Variants in ZNF177 observed in about 807,000 individuals in gnomAD.
The protein encoded by ZNF177 is zinc finger protein 177.
ZNF177 carries 17 observed loss-of-function variants against 19.4 expected under a neutral mutation model. That is an observed-to-expected ratio of 0.87 (90% CI 0.60 to 1.31). ZNF177 has a LOEUF of 1.31. Among genes scored for constraint, ZNF177 ranks in the 40% most tolerant of loss-of-function variants. The pLI, the probability that ZNF177 is intolerant of heterozygous loss-of-function variation, is 0.00. For missense variants in ZNF177, 633 were observed against 561.8 expected, an observed-to-expected ratio of 1.13 and a Z score of -1.28; for synonymous variants, 220 against 188.7, an observed-to-expected ratio of 1.17 and a Z score of -1.36.
chr19:9,380,199 G>C (rs1226746506), intron 5 of ZNF177, 60 bp downstream of exon 7: 2 of 1,531,422 alleles, frequency 1.3e-6, no homozygotes, highest in Middle Eastern at 1.7e-4. Flanking sequence ...ATCTGAATGA[G>C]TTAAAACATC....
At chr19:9,378,164 ATGT>A in intron 1 of ZNF177, 92 bp from the exon 4 acceptor site, 1 of 1,142,058 alleles carries the variant, frequency 8.8e-7, no homozygotes, top group Non-Finnish European at 1.2e-6. Flanking sequence ...CTCTATGTGT[ATGT>A]TGTTACCCTT....
At chr19:9,370,358 A>G (rs1244718523) in intron 2 of ZNF177, among the ~76,000 whole-genome samples, 2 of 151,764 alleles carry the variant, frequency 1.3e-5, no homozygotes, top group Admixed American at 6.6e-5. Context: ...AGTCATCACT[A>G]GATTACTTAC....
upstream of ZNF177, among the ~76,000 whole-genome samples, chr19:9,375,727 G>A (rs1053900399): frequency 9.9e-5 from 15 of 152,036 alleles, no homozygotes; most frequent in African/African-American, 3.6e-4. Context: ...ATCTTAAGTA[G>A]TCTGGCTAAA....
intron 5 of ZNF177, 85 bp downstream of exon 7, chr19:9,380,224 G>A (rs1483682334): frequency 1.9e-5 from 28 of 1,444,388 alleles, no homozygotes; most frequent in Middle Eastern, 1.8e-4. Flanking sequence ...CCCAAAGCAG[G>A]GGTAAGAATT....
At chr19:9,379,685 T>A in intron 4 of ZNF177, 66 bp downstream of exon 6, 7 of 1,537,584 alleles carry the variant, frequency 4.6e-6, no homozygotes, top group Non-Finnish European at 6.2e-6. Flanking sequence ...GGAATGTCAC[T>A]CAGTGAAGGA....
intron 1 of ZNF177, among the ~76,000 whole-genome samples, chr19:9,363,486 C>T (rs1040269623): frequency 1.3e-5 from 2 of 152,032 alleles, no homozygotes; most frequent in Admixed American, 6.5e-5. Flanking sequence ...CCTTTTTTTC[C>T]CCTCTGTTAT....
exon 6 of ZNF177, chr19:9,381,087 G>A (rs1399055590): frequency 6.2e-7 from 1 of 1,611,634 alleles, no homozygotes; most frequent in Admixed American, 1.7e-5. Flanking sequence ...CTGGTAGTGT[G>A]GAGGAGGGTT....
At chr19:9,372,730 G>C (rs2068062972), upstream of ZNF177, among the ~76,000 whole-genome samples, 1 of 151,352 alleles carries the variant, frequency 6.6e-6, no homozygotes, top group African/African-American at 2.4e-5. Context: ...ATTTTTAATA[G>C]AGAAAGGGTT....
rs770857467 is a variant in ZNF177 at position 9,381,779 on chromosome 19, ATGAC to A, written c.*4_*7del. 3 of 1,590,490 alleles carry A rather than the reference ATGAC, an allele frequency of 1.9e-6. No individual in the cohort carries two copies. The South Asian group carries it at 3.4e-5, about 18-fold the overall frequency. On this transcript the variant is annotated 3_prime_UTR_variant, in exon 6 of 6. Coordinates refer to ENST00000589262, the Ensembl canonical transcript of ZNF177. ...AATGGCCAGAAACTCCATGAATGAA[ATGAC>A]TCAGGGAAGTGTTTGTTGCCCCTCA...
chr19:9,376,111 A>T (rs144697906), upstream of ZNF177, among the ~76,000 whole-genome samples: 1 of 152,072 alleles, frequency 6.6e-6, no homozygotes, highest in South Asian at 2.1e-4. Context: ...GTCAGCCACT[A>T]TGTGTTTTGA....
chr19:9,381,630 T>C (rs746073966), exon 6 of ZNF177: 12 of 1,613,768 alleles, frequency 7.4e-6, no homozygotes, highest in Non-Finnish European at 1.0e-5. Context: ...GGAAGGCCTT[T>C]AGGAATTCCT....
downstream of ZNF177, chr19:9,382,609 A>G (rs981252458): frequency 2.6e-6 from 1 of 388,698 alleles, no homozygotes; most frequent in South Asian, 1.4e-4. Context: ...AGTTTTAGGA[A>G]TCGTTCAAGT....
chr19:9,378,304 G>A, exon 2 of ZNF177: 1 of 1,613,686 alleles, frequency 6.2e-7, no homozygotes, highest in Non-Finnish European at 8.5e-7. Flanking sequence ...AAACCTACAG[G>A]AGGAAGAATG....
chr19:9,381,170 G>C (rs148249257), exon 6 of ZNF177: 5 of 1,614,076 alleles, frequency 3.1e-6, no homozygotes, highest in Non-Finnish European at 4.2e-6. Flanking sequence ...ACTCACTCTG[G>C]AGAGATGCCC....
At chr19:9,380,275 T>A in intron 5 of ZNF177, 136 bp downstream of exon 7, 3 of 1,143,054 alleles carry the variant, frequency 2.6e-6, no homozygotes, top group Non-Finnish European at 3.6e-6. Flanking sequence ...TCGGGAGAGT[T>A]TGGAGTTTGA....
At chr19:9,366,115 TAG>T in intron 2 of ZNF177, among the ~76,000 whole-genome samples, 1 of 152,266 alleles carries the variant, frequency 6.6e-6, no homozygotes, top group East Asian at 1.9e-4. Flanking sequence ...CCCAAGTAGC[TAG>T]GATTACAGGC....
Position 9,379,727 on chromosome 19 carries a change from T to C in ZNF177, c.253+108T>C, listed in dbSNP as rs1380440055. The C allele has an allele frequency of 3.8e-6, 5 of 1,312,798 alleles. No homozygotes were observed. The African/African-American group carries it at 7.4e-5, about 20-fold the overall frequency. 81.3% of individuals were successfully genotyped at this position (1,312,798 alleles called of 1,614,324 possible). A position where few individuals can be genotyped will look rare whatever the true frequency, so the allele number is the denominator to read the frequency against. ...ATCTGAGGCCATGACATGAGCTTCCTTCCTGTTTCACCATCTATTCAATCG... is the reference window on the plus strand; with the variant it reads ...ATCTGAGGCCATGACATGAGCTTCCCTCCTGTTTCACCATCTATTCAATCG... On this transcript the variant is annotated intron_variant, in intron 4 of 5. Transcript: ENST00000589262.
At chr19:9,364,506 C>T (rs910411490) in intron 1 of ZNF177, among the ~76,000 whole-genome samples, 9 of 152,068 alleles carry the variant, frequency 5.9e-5, no homozygotes, top group Non-Finnish European at 1.0e-4. Flanking sequence ...TTTGTCGTGT[C>T]GGTGTCATGA....
chr19:9,381,326 G>T, exon 6 of ZNF177: 1 of 1,614,066 alleles, frequency 6.2e-7, no homozygotes, highest in Non-Finnish European at 8.5e-7. Flanking sequence ...GTGCACAAAA[G>T]AACTCACACT....
Sources: allele counts gnomAD v4.1 joint callset (sites outside exome capture counted in the v4.1 genomes callset), GRCh38; gene constraint gnomAD v4.1.1; transcripts MANE v1.5; gene names NCBI Gene and HGNC (gene_info 2026-07-23, HGNC 2026-07-21).